NLRP1: variants seen among roughly 807,000 people sequenced by gnomAD.
The protein encoded by NLRP1 is NLR family pyrin domain containing 1.
A neutral mutation model predicts 136.7 loss-of-function variants in NLRP1; 94 were observed. That is an observed-to-expected ratio of 0.69 (90% CI 0.58 to 0.82). The LOEUF (loss-of-function observed/expected upper bound fraction) is 0.82, where lower values mean the gene tolerates loss of function less well. Ranked by LOEUF, NLRP1 falls within the 40% of genes least tolerant of loss-of-function variation. The probability of loss-of-function intolerance (pLI) is 0.00; values close to 1 mark genes in which losing one functional copy is unlikely to be tolerated. For synonymous variants in NLRP1, 690 were observed against 725.1 expected (o/e 0.95, Z 0.78); for missense variants, 1,575 against 1,802.7 (o/e 0.87, Z 2.29).
rs1412055024 is a variant in NLRP1, at chr17:5,556,155, CACACACAT to C, written c.2357+2176_2357+2183del. ...ACACACACACACACACACACACACA[CACACACAT>C]GAAGGGCTGGGCATGGTGGCTCACA... On this transcript the variant is annotated intron_variant, in intron 4 of 16. Coordinates refer to ENST00000572272, the MANE Select transcript of NLRP1 (RefSeq NM_033004.4). Among the ~76,000 whole-genome samples the C allele has an allele frequency of 6.2e-3, 875 of 140,598 alleles. 13 individuals are homozygous for C. Among genetic ancestry groups the C allele is most frequent in the African/African-American group, 0.022 (795 of 35,694 alleles). The allele number at this position is 140,598 out of a possible 152,430, so 92.2% of individuals were successfully genotyped here. A position where few individuals can be genotyped will look rare whatever the true frequency, so the allele number is the denominator to read the frequency against.
chr17:5,529,913 G>A, intron 12 of NLRP1: 1 of 446,064 alleles, frequency 2.2e-6, no homozygotes, highest in Non-Finnish European at 4.5e-6. Context: ...ATTTTTGACT[G>A]TTAGCTGATA....
chr17:5,579,070 C>T (rs566959923), intron 3 of NLRP1, among the ~76,000 whole-genome samples: 2,644 of 151,892 alleles, frequency 0.017, 71 homozygotes, highest in African/African-American at 0.061. Context: ...ATGAGAACAC[C>T]TGGACACAGG....
Position 5,584,108 on chromosome 17 carries a change from A to G in NLRP1, c.-151T>C. 1.4e-6 allele frequency: 1 copy of G among 738,356 alleles called. No individual in the cohort carries two copies. The highest frequency in any genetic ancestry group is 1.9e-5 in the South Asian group (1 of 52,536). The allele number at this position is 738,356 out of a possible 1,614,324, so 45.7% of individuals were successfully genotyped here. Reference sequence around the variant, plus strand: ...GTTTTATAAATCCCAGGGCACCTACAGATAGACGCCGATAGAGGGGGAGTG... The same window carrying G: ...GTTTTATAAATCCCAGGGCACCTACGGATAGACGCCGATAGAGGGGGAGTG... On this transcript the variant is annotated 5_prime_UTR_variant, in exon 1 of 17. Coordinates refer to ENST00000572272, the MANE Select transcript of NLRP1 (RefSeq NM_033004.4).
At chr17:5,557,960 CAG>C (rs1914270528) in intron 4 of NLRP1, among the ~76,000 whole-genome samples, 1 of 151,990 alleles carries the variant, frequency 6.6e-6, no homozygotes, top group African/African-American at 2.4e-5. Flanking sequence ...AATGAATGCC[CAG>C]AGAGAGGAGC....
At chr17:5,563,322 G>A (rs1914968865) in intron 3 of NLRP1, among the ~76,000 whole-genome samples, 1 of 152,202 alleles carries the variant, frequency 6.6e-6, no homozygotes, top group Non-Finnish European at 1.5e-5. Flanking sequence ...GAGTAGGAAT[G>A]AAGATCATTG....
At chr17:5,512,958 C>T (rs1191445035), downstream of NLRP1, among the ~76,000 whole-genome samples, 1 of 152,168 alleles carries the variant, frequency 6.6e-6, no homozygotes, top group East Asian at 1.9e-4. Context: ...CTGTGTCACC[C>T]CCAGCTTAGA....
At chr17:5,517,350 A>ACCC (rs373758392) in intron 15 of NLRP1, among the ~76,000 whole-genome samples, 45 of 47,378 alleles carry the variant, frequency 9.5e-4, no homozygotes, top group South Asian at 3.5e-3. Flanking sequence ...TGCACTCTGC[A>ACCC]CCCCCCCCCC....
intron 15 of NLRP1, among the ~76,000 whole-genome samples, chr17:5,507,481 G>T (rs1002772146): frequency 1.3e-5 from 2 of 152,024 alleles, no homozygotes; most frequent in Non-Finnish European, 2.9e-5. Context: ...GATTGCTTGA[G>T]TCCAGGAGTT....
intron 5 of NLRP1, among the ~76,000 whole-genome samples, chr17:5,546,516 C>G (rs1912680195): frequency 6.6e-6 from 1 of 152,198 alleles, no homozygotes; most frequent in African/African-American, 2.4e-5. Flanking sequence ...TCTCCAACCC[C>G]ACTCCCGCCA....
At chr17:5,553,847 A>C (rs1913686711) in intron 4 of NLRP1, among the ~76,000 whole-genome samples, 1 of 146,288 alleles carries the variant, frequency 6.8e-6, no homozygotes. Context: ...GCAGGGACAG[A>C]CATTTGTCTT....
intron 12 of NLRP1, among the ~76,000 whole-genome samples, chr17:5,522,980 C>G (rs990001201): frequency 2.0e-5 from 3 of 152,090 alleles, no homozygotes; most frequent in African/African-American, 7.3e-5. Flanking sequence ...CCAAGCCCCC[C>G]ACTCAGGATG....
In NLRP1 at chr17:5,520,569, G is replaced by C. The variant is rs79958269; in HGVS notation, c.3915+312C>G. ...TTCTGCCACTGCAATGATTAATAAA[G>C]CCAGTATGTTCAACTACAGGTTTGT... On this transcript the variant is annotated intron_variant, in intron 14 of 16. Transcript: ENST00000572272. Among the ~76,000 whole-genome samples the C allele has an allele frequency of 0.011, 1,624 of 152,182 alleles. 126 individuals carry two copies. The South Asian group carries it at 0.16, about 15-fold the overall frequency.
At chr17:5,564,378 A>C (rs1915092568) in intron 3 of NLRP1, among the ~76,000 whole-genome samples, 1 of 151,930 alleles carries the variant, frequency 6.6e-6, no homozygotes, top group Non-Finnish European at 1.5e-5. Flanking sequence ...TCTGGTAACC[A>C]TCCTTCTGCT....
At chr17:5,569,261 C>T (rs748478833) in intron 3 of NLRP1, among the ~76,000 whole-genome samples, 4 of 152,132 alleles carry the variant, frequency 2.6e-5, no homozygotes, top group Non-Finnish European at 4.4e-5. Context: ...CAGGATTAAA[C>T]TCACACATAT....
chr17:5,535,216 T>C (rs1910887005), intron 8 of NLRP1, among the ~76,000 whole-genome samples: 1 of 149,424 alleles, frequency 6.7e-6, no homozygotes, highest in Non-Finnish European at 1.5e-5. Context: ...CGAGACTCTG[T>C]CTCAAAAAAA....
rs1032829973 is a variant in NLRP1, at chr17:5,556,083, ACTCTGTCTGT to A, written c.2357+2246_2357+2255del. Among the ~76,000 whole-genome samples, 20 of 145,582 alleles carry A rather than the reference ACTCTGTCTGT, an allele frequency of 1.4e-4. No homozygotes were observed. The East Asian group carries it at 1.9e-3, about 14-fold the overall frequency. The stretch of plus-strand genomic sequence containing the variant: ...CATGCCAGCCTGGTGACAGAGCAAG[ACTCTGTCTGT>A]CTCTGTCTCTGTCTCTCTCTCTACA... On this transcript the variant is annotated intron_variant, in intron 4 of 16. Coordinates refer to ENST00000572272, the MANE Select transcript of NLRP1 (RefSeq NM_033004.4).
chr17:5,583,832 G>T lies in NLRP1; in HGVS notation c.126C>A (p.Pro42=), dbSNP rs770389800. 6.4e-7 allele frequency: 1 copy of T among 1,566,598 alleles called. No homozygotes were observed. The highest frequency in any genetic ancestry group is 1.9e-5 in the Admixed American group (1 of 53,306). ...TGCCACTCGTCTTCTCTGGCTGAGC[G>T]GGTGTCTCACCCGAAGAGCTCCTGG... ...AHSRSSSGET[P]AQPEKTSGME... is the part of the protein sequence containing the mutation. Residue 42 remains proline, a synonymous_variant, in exon 1 of 17, where the codon CCC becomes CCA. Transcript: ENST00000572272. The surrounding 1 kb of genome is among the most constrained non-coding windows in gnomAD (Gnocchi z 4.5).
chr17:5,516,370 G>A (rs1257581287), intron 15 of NLRP1, among the ~76,000 whole-genome samples: 1 of 152,190 alleles, frequency 6.6e-6, no homozygotes, highest in South Asian at 2.1e-4. Context: ...CAAAATAGAA[G>A]AGGAATGATG....
Position 5,504,550 on chromosome 17 carries a change from G to A in NLRP1, c.4070-2678C>T, listed in dbSNP as rs1435329625. On this transcript the variant is annotated intron_variant, in intron 15 of 15. Coordinates refer to the NLRP1 transcript ENST00000262467. This position sits in a 1 kb window ranked among gnomAD's most constrained non-coding sequence, Gnocchi z 4.4. ...CACGAGAATCGCTTGAACCCAGGAG[G>A]CGGAGGTTGCAGTGAGCTGAGATCA... The A allele has an allele frequency of 6.6e-6, 1 of 152,544 alleles. No homozygotes were observed. Among genetic ancestry groups the A allele is most frequent in the Non-Finnish European group, 1.5e-5 (1 of 68,362 alleles). The allele number at this position is 152,544 out of a possible 1,614,324, so 9.4% of individuals were successfully genotyped here.
Sources: allele counts gnomAD v4.1 joint callset (sites outside exome capture counted in the v4.1 genomes callset), GRCh38; gene constraint gnomAD v4.1.1; non-coding constraint Gnocchi (gnomAD v3.1); transcripts MANE v1.5; gene names NCBI Gene and HGNC (gene_info 2026-07-23, HGNC 2026-07-21).